Variants in HK1 observed in about 807,000 individuals in gnomAD.
HK1 encodes the protein hexokinase 1, also known as hexokinase-1.
HK1 carries 28 observed loss-of-function variants against 91.6 expected under a neutral mutation model. The ratio of observed to expected loss-of-function variants is 0.31; its 90% confidence interval spans 0.23 to 0.42. The LOEUF is 0.42. HK1 is among the 10% of genes least tolerant of loss of function. The probability of loss-of-function intolerance (pLI) is 1.00; values close to 1 mark genes in which losing one functional copy is unlikely to be tolerated. For synonymous variants in HK1, 430 were observed against 468.1 expected (o/e 0.92, Z 1.05); for missense variants, 770 against 1,219.8 (o/e 0.63, Z 5.49).
At chr10:69,325,857 CAG>C (rs988916332) in intron 1 of HK1, among the ~76,000 whole-genome samples, 27 of 147,618 alleles carry the variant, frequency 1.8e-4, no homozygotes, top group African/African-American at 6.5e-4. Context: ...TTTTTTGAGA[CAG>C]AGTCTTACTC....
intron 8 of HK1, 27 bp downstream of exon 8, chr10:69,377,116 T>A (rs1329670755): frequency 1.9e-6 from 3 of 1,613,868 alleles, no homozygotes; most frequent in South Asian, 2.2e-5. Flanking sequence ...CAAGGCTTTC[T>A]TGGGGTGTTG....
chr10:69,362,434 G>T lies in HK1; in HGVS notation c.376-2349G>T, dbSNP rs1348310725. On this transcript the variant is annotated intron_variant, in intron 3 of 17. Coordinates refer to ENST00000359426, the MANE Select transcript of HK1 (RefSeq NM_000188.3). The stretch of plus-strand genomic sequence containing the variant: ...TTGTCAGGCAAGAAGAGAAAATAAT[G>T]TTTTTTTTTTTTTTTTTAAGACACT... Among the ~76,000 whole-genome samples the T allele has an allele frequency of 6.6e-5, 9 of 135,512 alleles. No homozygotes were observed. In the East Asian group the frequency reaches 8.8e-4, roughly 13 times the overall value. 88.9% of individuals were successfully genotyped at this position (135,512 alleles called of 152,430 possible).
At position 69,394,872 on chromosome 10, in the gene HK1, G is replaced by A. The variant is rs369593919; in HGVS notation, c.2220-78G>A. On this transcript the variant is annotated intron_variant, in intron 15 of 17. Transcript: ENST00000359426. ...CGCTTGAGGGGCAGTAGGAGACGCGGAGTGACCGTGAGACCGAGGGGTGAC... is the reference window on the plus strand; with the variant it reads ...CGCTTGAGGGGCAGTAGGAGACGCGAAGTGACCGTGAGACCGAGGGGTGAC... 8.2e-5 allele frequency: 118 copies of A among 1,438,656 alleles called. No homozygotes were observed. In the African/African-American group the frequency reaches 1.3e-3, roughly 16 times the overall value. 89.1% of individuals were successfully genotyped at this position (1,438,656 alleles called of 1,614,324 possible). A position where few individuals can be genotyped will look rare whatever the true frequency, so the allele number is the denominator to read the frequency against.
intron 4 of HK1, among the ~76,000 whole-genome samples, chr10:69,367,054 G>A (rs1002178971): frequency 2.6e-5 from 4 of 152,208 alleles, no homozygotes; most frequent in African/African-American, 9.6e-5. Flanking sequence ...CCATGAAGGT[G>A]CAGCCTTCTA....
rs112285097 is a variant in HK1 at position 69,394,809 on chromosome 10, G to A, written c.2220-141G>A. 5.4e-4 allele frequency: 440 copies of A among 817,760 alleles called. 3 individuals carry two copies. In the African/African-American group the frequency reaches 5.7e-3, roughly 11 times the overall value. The allele number at this position is 817,760 out of a possible 1,614,324, so 50.7% of individuals were successfully genotyped here. ...CCTGGTCCTCCCACTCTGCCTCTGC[G>A]GCAGAGCACAGGGCTGGGCACATGG... On this transcript the variant is annotated intron_variant, in intron 15 of 17. Coordinates refer to ENST00000359426, the MANE Select transcript of HK1 (RefSeq NM_000188.3).
At position 69,398,676 on chromosome 10, in the gene HK1, C is replaced by T. The variant is rs1278811629; in HGVS notation, c.2457C>T (p.Val819=). The part of the protein sequence containing the change: ...LNSTCDDSIL[V]KTVCGVVSRR... ...GCACCTGCGATGACAGTATCCTCGT[C>T]AAGACAGTGTGCGGGGTGGTGTCCA... Residue 819 remains valine (V), a synonymous_variant, in exon 17 of 18, where the codon GTC becomes GTT. Transcript: ENST00000359426. 1.9e-6 allele frequency: 3 copies of T among 1,614,202 alleles called. No homozygotes were observed. The highest frequency in any genetic ancestry group is 4.5e-5 in the East Asian group (2 of 44,890).
At chr10:69,290,587 C>T (rs975402051) in intron 3 of HK1, among the ~76,000 whole-genome samples, 23 of 152,206 alleles carry the variant, frequency 1.5e-4, no homozygotes, top group Non-Finnish European at 2.9e-4. Context: ...CAACCTCTGC[C>T]TCCCAGGTTC....
Position 69,380,486 on chromosome 10 carries a change from G to A in HK1, c.1265+391G>A, listed in dbSNP as rs1346631689. Among the ~76,000 whole-genome samples, 10 of 152,088 alleles carry A rather than the reference G, an allele frequency of 6.6e-5. No individual in the cohort carries two copies. The highest frequency in any genetic ancestry group is 2.2e-4 in the African/African-American group (9 of 41,404). On this transcript the variant is annotated intron_variant, in intron 9 of 17. Transcript: ENST00000359426. The surrounding 1 kb of genome is among the most constrained non-coding windows in gnomAD (Gnocchi z 4.0). ...CGAGATGGAGATTTCTGTAGCTGTC[G>A]GCTCCTCTGGGTGGAATGTGTCTGT...
intron 1 of HK1, among the ~76,000 whole-genome samples, chr10:69,319,875 G>A (rs1441279748): frequency 6.6e-6 from 1 of 152,204 alleles, no homozygotes; most frequent in African/African-American, 2.4e-5. Context: ...AACAGCCTAA[G>A]CTGTAGGGAA....
rs1484929451 is a variant in HK1 at position 69,369,323 on chromosome 10, C to T, written c.678C>T (p.Val226=). Residue 226 remains valine (V), a synonymous_variant, in exon 6 of 18, where the codon GTC becomes GTT. Transcript: ENST00000359426. The surrounding 1 kb of genome is among the most constrained non-coding windows in gnomAD (Gnocchi z 4.4). ...TCGYDDQHCE[V]GLIIGTGTNA... ...GCTATGACGACCAGCACTGTGAAGT[C>T]GGCCTGATCATCGGTAATGCATTCC... 2 of 1,614,060 alleles carry T rather than the reference C, an allele frequency of 1.2e-6. No individual in the cohort carries two copies. The highest frequency in any genetic ancestry group is 8.5e-7 in the Non-Finnish European group (1 of 1,179,906).
intron 1 of HK1, among the ~76,000 whole-genome samples, chr10:69,273,904 C>G (rs1311843207): frequency 6.6e-6 from 1 of 152,000 alleles, no homozygotes; most frequent in Non-Finnish European, 1.5e-5. Context: ...AAGTCCTTGT[C>G]TGCTAATTCC....
At chr10:69,385,216 C>A (rs1489047861) in intron 12 of HK1, among the ~76,000 whole-genome samples, 1 of 152,128 alleles carries the variant, frequency 6.6e-6, no homozygotes, top group African/African-American at 2.4e-5. Flanking sequence ...TATAACACTT[C>A]TTACACAGTT....
upstream of HK1, among the ~76,000 whole-genome samples, chr10:69,314,707 G>A (rs776236236): frequency 2.0e-5 from 3 of 148,722 alleles, no homozygotes; most frequent in South Asian, 2.1e-4. Flanking sequence ...TCACTCTGTC[G>A]CCCAGGCTGG....
chr10:69,374,892 G>C (rs1175342821), intron 7 of HK1, among the ~76,000 whole-genome samples: 1 of 152,210 alleles, frequency 6.6e-6, no homozygotes, highest in African/African-American at 2.4e-5. Context: ...AGGCTGCCTA[G>C]GGAGGAGAAC....
intron 8 of HK1, among the ~76,000 whole-genome samples, chr10:69,377,743 G>C (rs1164146493): frequency 6.6e-6 from 1 of 152,130 alleles, no homozygotes; most frequent in Non-Finnish European, 1.5e-5. Context: ...AGTTTGCTTT[G>C]ACTTGTCATT....
chr10:69,325,201 G>A (rs1210787335), intron 1 of HK1, among the ~76,000 whole-genome samples: 3 of 151,484 alleles, frequency 2.0e-5, no homozygotes, highest in East Asian at 1.9e-4. Context: ...ACAGGCGCCT[G>A]CCACCACTCC....
At chr10:69,299,988 C>T (rs1457640433) in intron 4 of HK1, among the ~76,000 whole-genome samples, 1 of 150,770 alleles carries the variant, frequency 6.6e-6, no homozygotes, top group East Asian at 1.9e-4. Flanking sequence ...TCAGTAGAGA[C>T]AGGGTCTTGC....
At chr10:69,377,645 T>C (rs576257911) in intron 8 of HK1, among the ~76,000 whole-genome samples, 42 of 152,146 alleles carry the variant, frequency 2.8e-4, no homozygotes, top group Non-Finnish European at 4.1e-4. Context: ...TATGGTAAAA[T>C]AAATACAGAC....
intron 7 of HK1, among the ~76,000 whole-genome samples, chr10:69,373,874 G>A (rs1850149239): frequency 6.6e-6 from 1 of 152,178 alleles, no homozygotes; most frequent in African/African-American, 2.4e-5. Context: ...ACAGGTGTGA[G>A]CTACTGCACC....
Sources: allele counts gnomAD v4.1 joint callset (sites outside exome capture counted in the v4.1 genomes callset), GRCh38; gene constraint gnomAD v4.1.1; non-coding constraint Gnocchi (gnomAD v3.1); transcripts MANE v1.5; gene names NCBI Gene and HGNC (gene_info 2026-07-23, HGNC 2026-07-21).